Variants in DENND6A observed in about 807,000 individuals in gnomAD.
The protein encoded by DENND6A is protein DENND6A.
A neutral mutation model predicts 95.5 loss-of-function variants in DENND6A; 43 were observed. That is an observed-to-expected ratio of 0.45 (90% confidence interval 0.35 to 0.58). The LOEUF (loss-of-function observed/expected upper bound fraction) is 0.58, where lower values mean the gene tolerates loss of function less well. Among genes scored for constraint, DENND6A ranks in the 20% least tolerant of loss-of-function variants. The pLI is 0.00. For synonymous variants in DENND6A, 257 were observed against 260.4 expected (o/e 0.99, Z 0.13); for missense variants, 574 against 736.0 (o/e 0.78, Z 2.55).
At chr3:57,650,054 C>T (rs2071170239) in intron 9 of DENND6A, among the ~76,000 whole-genome samples, 1 of 151,940 alleles carries the variant, frequency 6.6e-6, no homozygotes, top group South Asian at 2.1e-4. Context: ...AACCAAACAT[C>T]ATATGTTCTC....
At chr3:57,644,291 C>T (rs12152351) in intron 11 of DENND6A, among the ~76,000 whole-genome samples, 113,357 of 151,812 alleles carry the variant, frequency 0.75, 44,446 homozygotes, top group East Asian at 1. Flanking sequence ...CAGGAGAGAA[C>T]AGTATTAGAG....
At position 57,641,681 on chromosome 3, in the gene DENND6A, A is replaced by G. The variant is rs1300516408; in HGVS notation, c.1104T>C (p.Ile368=). 1.9e-6 allele frequency: 3 copies of G among 1,612,740 alleles called. No homozygotes were observed. In the African/African-American group the frequency reaches 4.0e-5, roughly 22 times the overall value. ...TAGGTTTAAGGTCTCCTATTCGAAT[A>G]ATGTGTGGCCAGTGCTGGAGTGTCT... The part of the protein sequence containing the change: ...FAKTLQHWPH[I]IRIGDLKPTG... The change falls in exon 12 of 20, where the codon ATT becomes ATC. Residue 368 remains isoleucine, a synonymous_variant. Coordinates refer to ENST00000311128, the MANE Select transcript of DENND6A (RefSeq NM_152678.3).
At chr3:57,649,497 CTACTGGGTAT>C (rs2153414243) in intron 9 of DENND6A, among the ~76,000 whole-genome samples, 2 of 147,586 alleles carry the variant, frequency 1.4e-5, no homozygotes, top group South Asian at 4.3e-4. Flanking sequence ...AGCAATCCCA[CTACTGGGTAT>C]CTACCCAGAG....
chr3:57,631,996 A>G (rs2070691140), intron 15 of DENND6A, among the ~76,000 whole-genome samples: 1 of 141,748 alleles, frequency 7.1e-6, no homozygotes, highest in African/African-American at 2.6e-5. Flanking sequence ...TGCTGGGATT[A>G]CAGGCGTGAG....
chr3:57,643,261 G>A (rs909464773), intron 11 of DENND6A, among the ~76,000 whole-genome samples: 1 of 152,102 alleles, frequency 6.6e-6, no homozygotes, highest in Admixed American at 6.6e-5. Context: ...AGAACTAAGT[G>A]AAAACTAATG....
chr3:57,631,716 CTTTTTTTTT>C (rs1156532234), intron 15 of DENND6A, among the ~76,000 whole-genome samples: 5 of 92,016 alleles, frequency 5.4e-5, no homozygotes, highest in Non-Finnish European at 8.3e-5. Flanking sequence ...TCTCTGCTCT[CTTTTTTTTT>C]TTTTTTTTTT....
Position 57,645,697 on chromosome 3 carries a change from C to T in DENND6A, c.1001G>A (p.Ser334Asn). 1 of 1,613,132 alleles carries T rather than the reference C, an allele frequency of 6.2e-7. No homozygotes were observed. Among genetic ancestry groups the T allele is most frequent in the Non-Finnish European group, 8.5e-7 (1 of 1,179,544 alleles). ...DFRPYFTIHD[S>N]EFKEYTTRTQ... ...ACGGGTAGTATATTCTTTGAATTCA[C>T]TATCATGAATAGTGAAATAAGGTCG... Residue 334 changes from serine to asparagine, a missense_variant, in exon 11 of 20, where the codon AGT becomes AAT. Around this residue, in one of 2 missense-constraint regions of DENND6A, gnomAD observed 452 missense variants for 630.9 expected, o/e 0.72. Transcript: ENST00000311128.
At chr3:57,688,099 G>A (rs1279361533) in intron 1 of DENND6A, among the ~76,000 whole-genome samples, 4 of 151,798 alleles carry the variant, frequency 2.6e-5, no homozygotes, top group Admixed American at 1.3e-4. Context: ...GGGTTCAAGC[G>A]ATTCTCCTGC....
At chr3:57,631,716 CTTTTT>C (rs1156532234) in intron 15 of DENND6A, among the ~76,000 whole-genome samples, 5 of 92,012 alleles carry the variant, frequency 5.4e-5, no homozygotes, top group Non-Finnish European at 1.0e-4. Flanking sequence ...TCTCTGCTCT[CTTTTT>C]TTTTTTTTTT....
intron 1 of DENND6A, among the ~76,000 whole-genome samples, chr3:57,689,314 GA>G (rs56077522): frequency 0.015 from 1,930 of 128,732 alleles, 21 homozygotes; most frequent in Non-Finnish European, 0.02. Context: ...TATTCACTCA[GA>G]AAAAAAAAAA....
At chr3:57,641,801 A>C (rs1002131933) in intron 11 of DENND6A, 54 bp from the exon 12 acceptor site, 3 of 1,429,252 alleles carry the variant, frequency 2.1e-6, no homozygotes, top group Non-Finnish European at 2.9e-6. Context: ...GATGAATGCT[A>C]AATCAGTGAA....
At chr3:57,672,147 G>T (rs879886788) in intron 3 of DENND6A, 109 bp downstream of exon 3, 2 of 1,040,634 alleles carry the variant, frequency 1.9e-6, no homozygotes, top group Non-Finnish European at 2.7e-6. Context: ...AAAAATCATT[G>T]ATCTGTTTGC....
At chr3:57,688,939 G>A (rs1319883662) in intron 1 of DENND6A, among the ~76,000 whole-genome samples, 2 of 152,122 alleles carry the variant, frequency 1.3e-5, no homozygotes, top group African/African-American at 4.8e-5. Context: ...GTAGAATTAA[G>A]AGTGATATTT....
At chr3:57,646,110 C>T (rs1415327167) in intron 10 of DENND6A, among the ~76,000 whole-genome samples, 3 of 152,176 alleles carry the variant, frequency 2.0e-5, no homozygotes, top group Non-Finnish European at 4.4e-5. Context: ...GGCATGGTTC[C>T]AGCCCTCAGG....
chr3:57,634,410 G>A (rs2070748745), intron 14 of DENND6A, 148 bp downstream of exon 14: 4 of 361,440 alleles, frequency 1.1e-5, no homozygotes, highest in Middle Eastern at 8.3e-4. Flanking sequence ...TCCAGCCTGG[G>A]TGATAGAGTG....
At chr3:57,688,996 TGTCGCCAGGCTGGAGTGCA>T (rs1264827623) in intron 1 of DENND6A, among the ~76,000 whole-genome samples, 1 of 152,118 alleles carries the variant, frequency 6.6e-6, no homozygotes, top group Non-Finnish European at 1.5e-5. Context: ...AGTCTTGCTG[TGTCGCCAGGCTGGAGTGCA>T]GTGGCCCGAT....
intron 1 of DENND6A, among the ~76,000 whole-genome samples, chr3:57,683,871 A>T (rs1448239120): frequency 6.6e-6 from 1 of 152,078 alleles, no homozygotes; most frequent in Non-Finnish European, 1.5e-5. Flanking sequence ...CAGTTCCCTT[A>T]TTTAAAAAGT....
At chr3:57,641,211 TAATAAA>T in intron 12 of DENND6A, among the ~76,000 whole-genome samples, 1 of 144,742 alleles carries the variant, frequency 6.9e-6, no homozygotes, top group Non-Finnish European at 1.5e-5. Context: ...AATATTTAAG[TAATAAA>T]AATATATATT....
At chr3:57,681,064 T>C (rs2077159450) in intron 1 of DENND6A, among the ~76,000 whole-genome samples, 1 of 152,166 alleles carries the variant, frequency 6.6e-6, no homozygotes, top group Non-Finnish European at 1.5e-5. Flanking sequence ...TGAAAACACA[T>C]GTTCACACAA....
Sources: gnomAD v4.1 joint callset for allele counts (sites outside exome capture counted in the v4.1 genomes callset) on GRCh38, gnomAD v4.1.1 for gene constraint, gnomAD v4.1.1 regional missense constraint, MANE v1.5 for transcripts, NCBI Gene and HGNC (gene_info 2026-07-23, HGNC 2026-07-21) for gene names.